Variants in KDELR3 observed in about 807,000 individuals in gnomAD.
KDELR3 encodes the protein KDEL endoplasmic reticulum protein retention receptor 3, also known as ER lumen protein-retaining receptor 3.
KDELR3 carries 26 observed loss-of-function variants against 22.7 expected under a neutral mutation model. The observed-to-expected ratio is 1.15, with a 90% confidence interval of 0.84 to 1.59. The LOEUF (loss-of-function observed/expected upper bound fraction) is 1.59, where lower values mean the gene tolerates loss of function less well. Ranked by LOEUF, KDELR3 falls within the 40% of genes most tolerant of loss-of-function variation. The pLI is 0.00. For missense variants in KDELR3, 289 were observed against 251.1 expected (o/e 1.15, Z -1.02); for synonymous variants, 120 against 98.2 (o/e 1.22, Z -1.31).
chr22:38,471,973 G>GA lies in KDELR3; in HGVS notation c.92-2541dup, dbSNP rs895504954. Among the ~76,000 whole-genome samples the GA allele has an allele frequency of 3.4e-5, 5 of 147,742 alleles. No individual in the cohort carries two copies. The South Asian group carries it at 6.5e-4, about 19-fold the overall frequency. The stretch of plus-strand genomic sequence containing the variant: ...AGTGAGACCCTGCCTCACAAAAAAA[G>GA]AAAAAAAAATGTTCTCCCACCCCAA... On this transcript the variant is annotated intron_variant, in intron 1 of 4. Transcript: ENST00000216014.
intron 1 of KDELR3, among the ~76,000 whole-genome samples, chr22:38,469,821 T>A (rs1300405845): frequency 6.6e-6 from 1 of 152,198 alleles, no homozygotes; most frequent in East Asian, 1.9e-4. Flanking sequence ...CTTTTATTTA[T>A]TTTTTATTTT....
intron 4 of KDELR3, 186 bp downstream of exon 4, chr22:38,481,650 G>A (rs1470491285): frequency 1.4e-6 from 2 of 1,448,164 alleles, no homozygotes; most frequent in East Asian, 2.5e-5. Context: ...CAGGCCAATA[G>A]GTTATGTGTA....
intron 1 of KDELR3, among the ~76,000 whole-genome samples, chr22:38,473,747 C>T (rs537148325): frequency 5.3e-5 from 8 of 152,096 alleles, no homozygotes; most frequent in Admixed American, 1.3e-4. Context: ...CCAAGGCGGG[C>T]AGATCACTTG....
chr22:38,474,092 C>G (rs2089541976), intron 1 of KDELR3, among the ~76,000 whole-genome samples: 1 of 152,212 alleles, frequency 6.6e-6, no homozygotes, highest in African/African-American at 2.4e-5. Flanking sequence ...CCTGGTGAAT[C>G]AACACCTTGT....
At chr22:38,478,184 G>A (rs1344510486) in intron 2 of KDELR3, among the ~76,000 whole-genome samples, 1 of 150,440 alleles carries the variant, frequency 6.6e-6, no homozygotes, top group East Asian at 1.9e-4. Context: ...AGTACAAATA[G>A]GAGTGCTCTA....
intron 2 of KDELR3, among the ~76,000 whole-genome samples, chr22:38,478,923 G>GT (rs1569133164): frequency 6.6e-6 from 1 of 152,038 alleles, no homozygotes. Context: ...GATTACAGGT[G>GT]TGAGCCTCCA....
intron 2 of KDELR3, among the ~76,000 whole-genome samples, chr22:38,476,969 G>T (rs2089563891): frequency 6.6e-6 from 1 of 151,444 alleles, no homozygotes; most frequent in Non-Finnish European, 1.5e-5. Flanking sequence ...GAGTGCAGTG[G>T]CGCGATCTCG....
In KDELR3 at chr22:38,474,587, C is replaced by G; in HGVS notation, c.156C>G (p.Phe52Leu). 1 of 1,614,076 alleles carries G rather than the reference C, an allele frequency of 6.2e-7. No homozygotes were observed. The highest frequency in any genetic ancestry group is 8.5e-7 in the Non-Finnish European group (1 of 1,179,986). Residue 52 changes from phenylalanine (F) to leucine (L), a missense_variant, in exon 2 of 5, where the codon TTC (phenylalanine) becomes TTG (leucine). Coordinates refer to ENST00000216014, the MANE Select transcript of KDELR3 (RefSeq NM_006855.4). ...TCACCACCAGGTACCTGGACCTGTT[C>G]ACCAACTTCATCTCCATCTACAACA... is the stretch of plus-strand genomic sequence containing the variant. ...LVFTTRYLDL[F>L]TNFISIYNTV...
intron 4 of KDELR3, chr22:38,481,739 C>T: frequency 9.2e-7 from 1 of 1,089,140 alleles, no homozygotes; most frequent in Non-Finnish European, 1.2e-6. Flanking sequence ...TTATTACAAG[C>T]CCCAAGGCAA....
chr22:38,473,024 T>C (rs2089534757), intron 1 of KDELR3, among the ~76,000 whole-genome samples: 2 of 152,134 alleles, frequency 1.3e-5, no homozygotes, highest in African/African-American at 4.8e-5. Flanking sequence ...ACACTAGATA[T>C]AGCTGGATAT....
At chr22:38,475,339 G>A (rs977127560) in intron 2 of KDELR3, among the ~76,000 whole-genome samples, 14 of 152,020 alleles carry the variant, frequency 9.2e-5, no homozygotes, top group African/African-American at 2.4e-4. Context: ...TTAGCTGGGC[G>A]TAGTGGTGCT....
intron 1 of KDELR3, among the ~76,000 whole-genome samples, chr22:38,473,843 A>T (rs1313441215): frequency 6.6e-6 from 1 of 151,998 alleles, no homozygotes; most frequent in East Asian, 1.9e-4. Flanking sequence ...GCGTGGTGGC[A>T]GGCACCTGTA....
chr22:38,469,447 AG>A (rs1268438952), intron 1 of KDELR3, among the ~76,000 whole-genome samples: 5 of 152,194 alleles, frequency 3.3e-5, no homozygotes, highest in Non-Finnish European at 7.4e-5. Flanking sequence ...GGCACAGAGC[AG>A]GGGGAGGCCT....
chr22:38,471,233 G>A (rs1293353908), intron 1 of KDELR3, among the ~76,000 whole-genome samples: 3 of 152,202 alleles, frequency 2.0e-5, no homozygotes, highest in Non-Finnish European at 4.4e-5. Context: ...GGGACTGGCA[G>A]GCTGAGGATG....
At chr22:38,477,667 G>T (rs1002062063) in intron 2 of KDELR3, among the ~76,000 whole-genome samples, 15 of 152,224 alleles carry the variant, frequency 9.9e-5, no homozygotes, top group Non-Finnish European at 5.9e-5. Context: ...TTTCAGGCAT[G>T]TTGTTACTAG....
At chr22:38,480,715 T>C (rs1163573931) in intron 3 of KDELR3, among the ~76,000 whole-genome samples, 1 of 151,980 alleles carries the variant, frequency 6.6e-6, no homozygotes, top group African/African-American at 2.4e-5. Flanking sequence ...ATCGCACCAC[T>C]GCACTCCAGC....
At chr22:38,472,097 G>C (rs186352575) in intron 1 of KDELR3, among the ~76,000 whole-genome samples, 3 of 152,142 alleles carry the variant, frequency 2.0e-5, no homozygotes, top group African/African-American at 7.2e-5. Flanking sequence ...CCTTATCCAC[G>C]GAGGATATGT....
chr22:38,481,218 T>C lies in KDELR3; in HGVS notation c.358T>C (p.Trp120Arg). 6.2e-7 allele frequency: 1 copy of C among 1,613,486 alleles called. No individual in the cohort carries two copies. Among genetic ancestry groups the C allele is most frequent in the Non-Finnish European group, 8.5e-7 (1 of 1,179,586 alleles). ...TGCTTTCTCTTTGGCTCAGATCCTC[T>C]GGACTTTCTCTATCTATCTGGAATC... ...NYSFTLLEIL[W>R]TFSIYLESVA... Residue 120 changes from tryptophan (W) to arginine (R), a missense_variant, in exon 4 of 5, where the codon TGG (tryptophan) becomes CGG (arginine). Coordinates refer to ENST00000216014, the MANE Select transcript of KDELR3 (RefSeq NM_006855.4).
intron 1 of KDELR3, among the ~76,000 whole-genome samples, chr22:38,469,100 G>A (rs1219565767): frequency 6.6e-6 from 1 of 152,234 alleles, no homozygotes; most frequent in Non-Finnish European, 1.5e-5. Context: ...GGCTGAGAAG[G>A]CTGAGAGTGG....
Sources: gnomAD v4.1 joint callset for allele counts (sites outside exome capture counted in the v4.1 genomes callset) on GRCh38, gnomAD v4.1.1 for gene constraint, MANE v1.5 for transcripts, NCBI Gene and HGNC (gene_info 2026-07-23, HGNC 2026-07-21) for gene names.